The following VSTM4 variants were observed in gnomAD, a reference collection of about 807,000 sequenced individuals.
VSTM4 encodes the protein V-set and transmembrane domain-containing protein 4.
A neutral mutation model predicts 36.4 loss-of-function variants in VSTM4; 20 were observed. The ratio of observed to expected loss-of-function variants is 0.55; its 90% CI spans 0.39 to 0.80. VSTM4 has a LOEUF of 0.80. Ranked by LOEUF, VSTM4 falls within the 30% of genes least tolerant of loss-of-function variation. The pLI is 0.00. For missense variants in VSTM4, 392 were observed against 404.5 expected (o/e 0.97, Z 0.26); for synonymous variants, 182 against 173.9 (o/e 1.05, Z -0.37).
At chr10:49,087,539 C>T (rs1844390400) in intron 2 of VSTM4, among the ~76,000 whole-genome samples, 1 of 152,166 alleles carries the variant, frequency 6.6e-6, no homozygotes. Flanking sequence ...AGGGTTTGAA[C>T]TGTTGAGAGG....
chr10:49,078,834 A>AT (rs1478863996), intron 3 of VSTM4, among the ~76,000 whole-genome samples: 1 of 151,134 alleles, frequency 6.6e-6, no homozygotes, highest in African/African-American at 2.4e-5. Flanking sequence ...TCTGTGTATG[A>AT]TTTTTTAGAA....
chr10:49,042,610 C>T (rs776372223), intron 7 of VSTM4, among the ~76,000 whole-genome samples: 6 of 152,228 alleles, frequency 3.9e-5, no homozygotes, highest in Non-Finnish European at 8.8e-5. Flanking sequence ...GTACATCACC[C>T]ATCTCTCACT....
Position 49,103,642 on chromosome 10 carries a change from G to T in VSTM4, c.457+3952C>A. 2.0e-6 allele frequency: 3 copies of T among 1,531,818 alleles called. No individual in the cohort carries two copies. In the South Asian group the frequency reaches 4.0e-5, roughly 20 times the overall value. The allele number at this position is 1,531,818 out of a possible 1,614,324, so 94.9% of individuals were successfully genotyped here. A position where few individuals can be genotyped will look rare whatever the true frequency, so the allele number is the denominator to read the frequency against. ...TATATCATCGCAAGTCACCCTCCATGTGCTGGGCGAGGTGTTCATGACAGG... is the reference window on the plus strand; with the variant it reads ...TATATCATCGCAAGTCACCCTCCATTTGCTGGGCGAGGTGTTCATGACAGG... On this transcript the variant is annotated intron_variant, in intron 2 of 7. Transcript: ENST00000332853.
At chr10:49,045,113 G>C (rs541492823) in intron 7 of VSTM4, among the ~76,000 whole-genome samples, 2 of 151,978 alleles carry the variant, frequency 1.3e-5, no homozygotes, top group Non-Finnish European at 2.9e-5. Flanking sequence ...TGTAGATGTC[G>C]AGAATTGGCA....
intron 7 of VSTM4, among the ~76,000 whole-genome samples, chr10:49,029,000 T>C (rs1031417659): frequency 6.6e-6 from 1 of 152,228 alleles, no homozygotes; most frequent in African/African-American, 2.4e-5. Flanking sequence ...TCATTTTTTA[T>C]TCAATGGAGT....
chr10:49,103,693 C>T (rs753578508), intron 2 of VSTM4: 12 of 1,604,352 alleles, frequency 7.5e-6, no homozygotes, highest in Non-Finnish European at 9.4e-6. Flanking sequence ...CAGGCACCAG[C>T]CTTTCTTTCT....
chr10:49,096,090 T>C (rs986452957), intron 2 of VSTM4, among the ~76,000 whole-genome samples: 1 of 152,266 alleles, frequency 6.6e-6, no homozygotes, highest in Non-Finnish European at 1.5e-5. Context: ...AACACCATGA[T>C]GTGTGTTTGC....
intron 5 of VSTM4, among the ~76,000 whole-genome samples, chr10:49,063,892 G>A (rs1284820676): frequency 6.6e-6 from 1 of 152,172 alleles, no homozygotes; most frequent in Non-Finnish European, 1.5e-5. Context: ...ATTGTGGGAG[G>A]AGCCCCTGAT....
chr10:49,039,850 C>T (rs902355754), intron 7 of VSTM4, among the ~76,000 whole-genome samples: 26 of 152,340 alleles, frequency 1.7e-4, no homozygotes, highest in African/African-American at 6.3e-4. Flanking sequence ...TAGAAAAGTT[C>T]CGCTACTTGG....
rs117641209 is a variant in VSTM4, at chr10:49,097,350, C to T, written c.457+10244G>A. ...GCTTCCAGAGGCACCAAGCCAGATCCGTCCCCTAGGGAGAAAAGTCTAGAG... is the reference window on the plus strand; with the variant it reads ...GCTTCCAGAGGCACCAAGCCAGATCTGTCCCCTAGGGAGAAAAGTCTAGAG... On this transcript the variant is annotated intron_variant, in intron 2 of 7. Transcript: ENST00000332853. 4.3e-3 allele frequency among the ~76,000 whole-genome samples: 651 copies of T among 152,286 alleles called. 32 individuals are homozygous for T. In the South Asian group the frequency reaches 0.058, roughly 14 times the overall value.
chr10:49,043,159 A>T (rs1843547144), intron 7 of VSTM4, among the ~76,000 whole-genome samples: 1 of 152,256 alleles, frequency 6.6e-6, no homozygotes, highest in Non-Finnish European at 1.5e-5. Context: ...AAATGTGTTT[A>T]CTAAGCACTG....
At chr10:49,110,567 G>C (rs79807847) in intron 1 of VSTM4, among the ~76,000 whole-genome samples, 3 of 152,076 alleles carry the variant, frequency 2.0e-5, no homozygotes, top group Non-Finnish European at 2.9e-5. Flanking sequence ...ATGTTGAAGC[G>C]TTAGCCCCAG....
intron 4 of VSTM4, among the ~76,000 whole-genome samples, chr10:49,070,798 C>T (rs1396062644): frequency 6.6e-6 from 1 of 152,226 alleles, no homozygotes; most frequent in Non-Finnish European, 1.5e-5. Context: ...GCCAGCTGAG[C>T]CTCCCGGCAC....
chr10:49,098,762 C>T (rs965643861), intron 2 of VSTM4, among the ~76,000 whole-genome samples: 1 of 152,212 alleles, frequency 6.6e-6, no homozygotes, highest in African/African-American at 2.4e-5. Flanking sequence ...GCCCTGTGTG[C>T]ATCCTGTCCC....
At chr10:49,047,273 TA>T (rs112915710) in intron 6 of VSTM4, among the ~76,000 whole-genome samples, 2,109 of 152,266 alleles carry the variant, frequency 0.014, 44 homozygotes, top group African/African-American at 0.043. Context: ...CAACTCTGCA[TA>T]AAACTCTGCC....
chr10:49,081,850 C>T (rs974768033), intron 3 of VSTM4, among the ~76,000 whole-genome samples: 3 of 152,246 alleles, frequency 2.0e-5, no homozygotes, highest in African/African-American at 7.2e-5. Context: ...GTAAAAAGTG[C>T]TGCCTTGCAG....
intron 7 of VSTM4, among the ~76,000 whole-genome samples, chr10:49,035,243 A>C (rs1242573875): frequency 2.0e-5 from 3 of 152,176 alleles, no homozygotes; most frequent in African/African-American, 7.2e-5. Flanking sequence ...TCCCAGGCTC[A>C]TGCTCCCACC....
At chr10:49,045,570 G>C (rs537346041) in intron 7 of VSTM4, among the ~76,000 whole-genome samples, 23 of 152,276 alleles carry the variant, frequency 1.5e-4, no homozygotes, top group African/African-American at 5.5e-4. Context: ...TTACTGTGGT[G>C]GGTTTAACAT....
chr10:49,105,541 GAGA>G (rs1380470637), intron 2 of VSTM4, among the ~76,000 whole-genome samples: 3 of 152,112 alleles, frequency 2.0e-5, no homozygotes, highest in Non-Finnish European at 2.9e-5. Flanking sequence ...GGGGGAGCAA[GAGA>G]AGAAGTGGGG....
Sources: gnomAD v4.1 joint callset for allele counts (sites outside exome capture counted in the v4.1 genomes callset) on GRCh38, gnomAD v4.1.1 for gene constraint, MANE v1.5 for transcripts, NCBI Gene and HGNC (gene_info 2026-07-23, HGNC 2026-07-21) for gene names.